Variants in EML5 observed in about 807,000 individuals in gnomAD.
EML5 encodes the protein echinoderm microtubule-associated protein-like 5.
A neutral mutation model predicts 250.0 loss-of-function variants in EML5; 120 were observed. That is an observed-to-expected ratio of 0.48 (90% CI 0.41 to 0.56). The LOEUF is 0.56. Ranked by LOEUF, EML5 falls within the 20% of genes least tolerant of loss-of-function variation. EML5 has a pLI of 0.00. For synonymous variants in EML5, 771 were observed against 806.5 expected (o/e 0.96, Z 0.75); for missense variants, 2,006 against 2,437.6 (o/e 0.82, Z 3.73).
intron 36 of EML5, chr14:88,623,428 T>C (rs1481020869): frequency 6.6e-6 from 1 of 152,082 alleles, no homozygotes; most frequent in Non-Finnish European, 1.5e-5. Flanking sequence ...AGTTGATTTA[T>C]TTATTTTTTT....
At position 88,792,456 on chromosome 14, in the gene EML5, C is replaced by T; in HGVS notation, c.48G>A (p.Val16=). Residue 16 remains valine, a synonymous_variant, in exon 1 of 44, where the codon GTG becomes GTA. Coordinates refer to ENST00000554922, the MANE Select transcript of EML5 (RefSeq NM_183387.3). This position sits in a 1 kb window ranked among gnomAD's most constrained non-coding sequence, Gnocchi z 6.9. ...APSCHLRLEW[V]YGYRGHQCRN... is the part of the protein sequence containing the mutation. ...GGCACTGGTGGCCCCGGTAGCCGTA[C>T]ACCCACTCGAGCCGCAGGTGGCAGC... is the stretch of plus-strand genomic sequence containing the variant. 2 of 1,519,796 alleles carry T rather than the reference C, an allele frequency of 1.3e-6. No individual in the cohort carries two copies. Among genetic ancestry groups the T allele is most frequent in the South Asian group, 2.5e-5 (2 of 80,880 alleles). The allele number at this position is 1,519,796 out of a possible 1,614,324, so 94.1% of individuals were successfully genotyped here.
chr14:88,791,844 C>T (rs2094611439), intron 1 of EML5, among the ~76,000 whole-genome samples: 3 of 152,188 alleles, frequency 2.0e-5, no homozygotes, highest in African/African-American at 7.2e-5. Context: ...CCCTTCAGGA[C>T]GCCACCCTGG....
chr14:88,695,399 G>C lies in EML5; in HGVS notation c.2400C>G (p.Leu800=), dbSNP rs2141335644. The C allele has an allele frequency of 6.2e-7, 1 of 1,612,460 alleles. No homozygotes were observed. Among genetic ancestry groups the C allele is most frequent in the Non-Finnish European group, 8.5e-7 (1 of 1,179,322 alleles). The stretch of plus-strand genomic sequence containing the variant: ...GTTTCTCTCCTTTCTTCCAGTCCCA[G>C]AGCACAACAGTATGGCTATCATCTA... ...VGIDDSHTVV[L]WDWKKGEKLS... is the part of the protein sequence containing the mutation. The change falls in exon 16 of 44, where the codon CTC becomes CTG. Residue 800 remains leucine (L), a synonymous_variant. Transcript: ENST00000554922.
At chr14:88,765,757 T>G (rs900652100) in intron 1 of EML5, among the ~76,000 whole-genome samples, 6 of 152,302 alleles carry the variant, frequency 3.9e-5, no homozygotes, top group Non-Finnish European at 8.8e-5. Context: ...GGAGAATTAT[T>G]TATATTTTTA....
intron 36 of EML5, chr14:88,624,367 G>C (rs2089589532): frequency 6.6e-6 from 1 of 152,450 alleles, no homozygotes; most frequent in African/African-American, 2.4e-5. Flanking sequence ...GAGCCACTGT[G>C]CCTGGCCTAC....
intron 13 of EML5, 79 bp from the exon 14 acceptor site, chr14:88,702,711 G>T (rs1404830543): frequency 2.0e-6 from 2 of 1,017,554 alleles, no homozygotes; most frequent in Non-Finnish European, 1.3e-6. Flanking sequence ...GGAGAAGTAG[G>T]TACCCTTTGG....
At chr14:88,736,975 G>C (rs993085452) in intron 6 of EML5, among the ~76,000 whole-genome samples, 1 of 152,056 alleles carries the variant, frequency 6.6e-6, no homozygotes, top group African/African-American at 2.4e-5. Context: ...TTGGGTGGGG[G>C]GTTGGGGGCA....
chr14:88,716,203 G>A (rs1299004642), intron 8 of EML5, among the ~76,000 whole-genome samples: 2 of 152,160 alleles, frequency 1.3e-5, no homozygotes, highest in Non-Finnish European at 2.9e-5. Context: ...GTTAATTACA[G>A]TACTTACTGA....
Position 88,616,796 on chromosome 14 carries a change from C to G in EML5, c.5726G>C (p.Gly1909Ala), listed in dbSNP as rs749630352. ...GTCATCTCCTGTAACAAGACTGATTCCTGAATGAGATACACAGGCACAGTT... is the reference window on the plus strand; with the variant it reads ...GTCATCTCCTGTAACAAGACTGATTGCTGAATGAGATACACAGGCACAGTT... ...DVNCACVSHSGISLVTGDDFG... is the reference protein window; with the variant it reads ...DVNCACVSHSAISLVTGDDFG... Residue 1909 changes from glycine to alanine, a missense_variant, in exon 42 of 44, where the codon GGA becomes GCA. Around this residue, in one of 7 missense-constraint regions of EML5, gnomAD observed 405 missense variants for 523.3 expected, o/e 0.77. Transcript: ENST00000554922. 60 of 1,613,782 alleles carry G rather than the reference C, an allele frequency of 3.7e-5. No individual in the cohort carries two copies. Among genetic ancestry groups the G allele is most frequent in the East Asian group, 3.1e-4 (14 of 44,864 alleles).
At chr14:88,777,667 T>C (rs1302550240) in intron 1 of EML5, among the ~76,000 whole-genome samples, 2 of 152,276 alleles carry the variant, frequency 1.3e-5, no homozygotes, top group Admixed American at 6.5e-5. Context: ...AAGATAGAAA[T>C]AACAAAAAGT....
chr14:88,698,469 G>A (rs1364541022), intron 14 of EML5, among the ~76,000 whole-genome samples: 3 of 151,746 alleles, frequency 2.0e-5, no homozygotes, highest in South Asian at 2.1e-4. Flanking sequence ...GTTTCACTAC[G>A]TGTCCAGGCT....
At chr14:88,664,020 A>G (rs1445935040) in intron 23 of EML5, among the ~76,000 whole-genome samples, 3 of 151,946 alleles carry the variant, frequency 2.0e-5, no homozygotes, top group African/African-American at 7.2e-5. Context: ...GCTCATGCCT[A>G]TAATCACAGC....
In EML5 at chr14:88,681,511, T is replaced by C. The variant is rs1267593875; in HGVS notation, c.3124+379A>G. Among the ~76,000 whole-genome samples the C allele has an allele frequency of 3.9e-5, 6 of 152,240 alleles. No homozygotes were observed. In the South Asian group the frequency reaches 1.0e-3, roughly 26 times the overall value. ...TCTATTTACAATATCCTTCCTCAGCTGTCTACCCTTAGTTTTTAGTTCTTT... is the reference window on the plus strand; with the variant it reads ...TCTATTTACAATATCCTTCCTCAGCCGTCTACCCTTAGTTTTTAGTTCTTT... On this transcript the variant is annotated intron_variant, in intron 21 of 43. Coordinates refer to ENST00000554922, the MANE Select transcript of EML5 (RefSeq NM_183387.3).
chr14:88,706,357 T>G lies in EML5; in HGVS notation c.1727A>C (p.Gln576Pro). 1 of 1,610,116 alleles carries G rather than the reference T, an allele frequency of 6.2e-7. No homozygotes were observed. The highest frequency in any genetic ancestry group is 8.5e-7 in the Non-Finnish European group (1 of 1,178,250). ...TGCTCCACCAATAGAAATAACCCACTGATAATCATGTGACCATCTGACATT... is the reference window on the plus strand; with the variant it reads ...TGCTCCACCAATAGAAATAACCCACGGATAATCATGTGACCATCTGACATT... ...VTNVRWSHDY[Q>P]WVISIGGADH... Residue 576 changes from glutamine (Q) to proline (P), a missense_variant, in exon 11 of 44, where the codon CAG (glutamine) becomes CCG (proline). By Grantham distance (76) the Gln-to-Pro change is moderately conservative. This residue lies in a region of EML5 where 1,375 missense variants were observed against 1,590.3 expected (regional missense o/e 0.86). Coordinates refer to ENST00000554922, the MANE Select transcript of EML5 (RefSeq NM_183387.3).
intron 1 of EML5, among the ~76,000 whole-genome samples, chr14:88,788,522 C>A (rs2094573244): frequency 6.6e-6 from 1 of 150,754 alleles, no homozygotes; most frequent in Non-Finnish European, 1.5e-5. Context: ...ACTGGTGAGA[C>A]CCTTTCACTA....
intron 1 of EML5, among the ~76,000 whole-genome samples, chr14:88,790,666 A>T (rs949437094): frequency 6.6e-6 from 1 of 152,212 alleles, no homozygotes; most frequent in Non-Finnish European, 1.5e-5. Context: ...AGACTAAATT[A>T]TCTGGAGCAG....
chr14:88,783,098 A>T (rs2094513978), intron 1 of EML5, among the ~76,000 whole-genome samples: 1 of 152,160 alleles, frequency 6.6e-6, no homozygotes, highest in Non-Finnish European at 1.5e-5. Flanking sequence ...AAGAAAAAAA[A>T]AGAAGAAAGA....
chr14:88,738,436 A>C (rs11623219), intron 6 of EML5, among the ~76,000 whole-genome samples: 1 of 151,342 alleles, frequency 6.6e-6, no homozygotes, highest in Middle Eastern at 3.4e-3. Context: ...AAAATCCCCC[A>C]ATTGCTGACA....
intron 1 of EML5, among the ~76,000 whole-genome samples, chr14:88,791,314 C>T (rs1028930797): frequency 5.9e-5 from 9 of 152,156 alleles, no homozygotes; most frequent in African/African-American, 9.7e-5. Context: ...TGTAACCAAA[C>T]CCAAATCGTA....
Sources: gnomAD v4.1 joint callset for allele counts (sites outside exome capture counted in the v4.1 genomes callset) on GRCh38, gnomAD v4.1.1 for gene constraint, gnomAD v4.1.1 regional missense constraint, Gnocchi (gnomAD v3.1) non-coding constraint, MANE v1.5 for transcripts, NCBI Gene and HGNC (gene_info 2026-07-23, HGNC 2026-07-21) for gene names.